ARHGAP15: variants seen among roughly 807,000 people sequenced by gnomAD.
ARHGAP15 encodes Rho GTPase activating protein 15.
A neutral mutation model predicts 63.7 loss-of-function variants in ARHGAP15; 51 were observed. The ratio of observed to expected loss-of-function variants is 0.80; its 90% CI spans 0.64 to 1.01. ARHGAP15 has a LOEUF of 1.01. ARHGAP15 is among the 50% of genes least tolerant of loss of function. ARHGAP15 has a pLI of 0.00. For synonymous variants in ARHGAP15, 191 were observed against 193.8 expected, an observed-to-expected ratio of 0.99 and a Z score of 0.12; for missense variants, 560 against 564.6, an observed-to-expected ratio of 0.99 and a Z score of 0.08.
intron 8 of ARHGAP15, among the ~76,000 whole-genome samples, chr2:143,486,177 C>T (rs189177094): frequency 1.9e-3 from 296 of 152,196 alleles, no homozygotes; most frequent in African/African-American, 6.8e-3. Flanking sequence ...GTATCCCAAA[C>T]CCTCTCATTA....
At chr2:143,236,036 G>A (rs1468334373) in intron 5 of ARHGAP15, 87 of 1,521,496 alleles carry the variant, frequency 5.7e-5, no homozygotes, top group Non-Finnish European at 7.1e-5. Context: ...CCATTTGATG[G>A]ATTGCATCAT....
chr2:143,166,001 A>G (rs2580865), intron 2 of ARHGAP15, among the ~76,000 whole-genome samples: 23,789 of 101,122 alleles, frequency 0.24, 2,961 homozygotes, highest in East Asian at 0.38. Flanking sequence ...AAAGAAAGAA[A>G]GAAGGAAGGA....
At chr2:143,175,958 G>T (rs1049372050) in intron 2 of ARHGAP15, among the ~76,000 whole-genome samples, 3 of 152,124 alleles carry the variant, frequency 2.0e-5, no homozygotes, top group African/African-American at 7.2e-5. Flanking sequence ...CATAATACTT[G>T]AAAGAAATTA....
chr2:143,515,909 C>T lies in ARHGAP15; in HGVS notation c.827-3357C>T, dbSNP rs1232559247. On this transcript the variant is annotated intron_variant, in intron 9 of 13. Coordinates refer to ENST00000295095, the MANE Select transcript of ARHGAP15 (RefSeq NM_018460.4). ...TTTCTCTAAGAGTGAATGTATTCCT[C>T]GGCATACCCCAGTCTTCCTATCATT... is the stretch of plus-strand genomic sequence containing the variant. Among the ~76,000 whole-genome samples, 8 of 152,176 alleles carry T rather than the reference C, an allele frequency of 5.3e-5. No individual in the cohort carries two copies. The East Asian group carries it at 9.6e-4, about 18-fold the overall frequency.
intron 10 of ARHGAP15, among the ~76,000 whole-genome samples, chr2:143,532,176 A>G (rs536078956): frequency 1.4e-4 from 21 of 152,340 alleles, no homozygotes; most frequent in Admixed American, 1.1e-3. Flanking sequence ...TGAGAAAAAT[A>G]TCTGATGCAT....
At chr2:143,476,299 G>A (rs770267167) in intron 8 of ARHGAP15, among the ~76,000 whole-genome samples, 7 of 152,060 alleles carry the variant, frequency 4.6e-5, no homozygotes, top group Non-Finnish European at 1.0e-4. Flanking sequence ...AAATAAATCT[G>A]GAATTCTTCC....
At chr2:143,205,587 C>G (rs533947835) in intron 3 of ARHGAP15, among the ~76,000 whole-genome samples, 92 of 152,166 alleles carry the variant, frequency 6.0e-4, no homozygotes, top group Admixed American at 2.5e-3. Context: ...ATACACAGGT[C>G]TATGCTTGTA....
intron 6 of ARHGAP15, among the ~76,000 whole-genome samples, chr2:143,290,198 G>A (rs1379210507): frequency 6.6e-6 from 1 of 152,152 alleles, no homozygotes; most frequent in Non-Finnish European, 1.5e-5. Flanking sequence ...GAAGGGTAGA[G>A]TAAAGGGATG....
intron 12 of ARHGAP15, among the ~76,000 whole-genome samples, chr2:143,637,265 C>T (rs1680366710): frequency 1.3e-5 from 2 of 152,120 alleles, no homozygotes; most frequent in South Asian, 4.1e-4. Flanking sequence ...CTCCTATATT[C>T]TCACAATATC....
chr2:143,332,846 A>G (rs1684608169), intron 6 of ARHGAP15, among the ~76,000 whole-genome samples: 1 of 152,064 alleles, frequency 6.6e-6, no homozygotes, highest in Non-Finnish European at 1.5e-5. Flanking sequence ...AGTGTCAAAT[A>G]TTATTAGTTC....
intron 9 of ARHGAP15, among the ~76,000 whole-genome samples, chr2:143,517,587 T>C (rs1574565518): frequency 6.6e-6 from 1 of 152,312 alleles, no homozygotes; most frequent in East Asian, 1.9e-4. Context: ...CAATAATAAA[T>C]GGTTGAGATA....
At chr2:143,270,119 C>T (rs993405174) in intron 6 of ARHGAP15, among the ~76,000 whole-genome samples, 7 of 152,028 alleles carry the variant, frequency 4.6e-5, no homozygotes, top group African/African-American at 9.7e-5. Flanking sequence ...ACTACAGGCA[C>T]GCACCCCCAC....
rs542759557 is a variant in ARHGAP15 at position 143,159,102 on chromosome 2, G to A, written c.165+3447G>A. Among the ~76,000 whole-genome samples, 6 of 151,896 alleles carry A rather than the reference G, an allele frequency of 4.0e-5. No homozygotes were observed. The South Asian group carries it at 8.3e-4, about 21-fold the overall frequency. ...TTCCATCTTGTAAACGCCACAGAACGGCATTACTTCATTCATGGCCATCAT... is the reference window on the plus strand; with the variant it reads ...TTCCATCTTGTAAACGCCACAGAACAGCATTACTTCATTCATGGCCATCAT... On this transcript the variant is annotated intron_variant, in intron 2 of 13. Coordinates refer to ENST00000295095, the MANE Select transcript of ARHGAP15 (RefSeq NM_018460.4).
chr2:143,170,679 A>C (rs1275766619), intron 2 of ARHGAP15, among the ~76,000 whole-genome samples: 1 of 152,094 alleles, frequency 6.6e-6, no homozygotes, highest in African/African-American at 2.4e-5. Flanking sequence ...GAGCCAACTA[A>C]AACTCAACCC....
intron 2 of ARHGAP15, among the ~76,000 whole-genome samples, chr2:143,179,480 T>C (rs1446726672): frequency 6.6e-6 from 1 of 152,150 alleles, no homozygotes; most frequent in Non-Finnish European, 1.5e-5. Flanking sequence ...ACTACCAAAA[T>C]AAACAAATAT....
intron 8 of ARHGAP15, among the ~76,000 whole-genome samples, chr2:143,468,957 C>A (rs972303937): frequency 6.6e-6 from 1 of 152,138 alleles, no homozygotes; most frequent in South Asian, 2.1e-4. Context: ...GGAGAATGCA[C>A]TGTAACCAGA....
intron 13 of ARHGAP15, among the ~76,000 whole-genome samples, chr2:143,761,103 G>C (rs1686745739): frequency 6.6e-6 from 1 of 152,172 alleles, no homozygotes; most frequent in Admixed American, 6.6e-5. Flanking sequence ...GTAGATAGCA[G>C]TACAGTTTGT....
At chr2:143,285,336 A>G (rs1168373745) in intron 6 of ARHGAP15, among the ~76,000 whole-genome samples, 1 of 152,152 alleles carries the variant, frequency 6.6e-6, no homozygotes, top group Non-Finnish European at 1.5e-5. Context: ...AATATACTAA[A>G]ACATTAAGAT....
At chr2:143,488,369 T>A (rs1303968310) in intron 9 of ARHGAP15, among the ~76,000 whole-genome samples, 1 of 152,238 alleles carries the variant, frequency 6.6e-6, no homozygotes, top group Non-Finnish European at 1.5e-5. Flanking sequence ...GATGAATGGA[T>A]AGATAGAACC....
Sources: gnomAD v4.1 joint callset for allele counts (sites outside exome capture counted in the v4.1 genomes callset) on GRCh38, gnomAD v4.1.1 for gene constraint, MANE v1.5 for transcripts, NCBI Gene and HGNC (gene_info 2026-07-23, HGNC 2026-07-21) for gene names.